Variants in SMC2 observed in about 807,000 individuals in gnomAD.
The protein encoded by SMC2 is structural maintenance of chromosomes 2.
Under a neutral mutation model 142.6 loss-of-function variants are expected in SMC2, and 41 were observed. The observed-to-expected ratio is 0.29, with a 90% CI of 0.22 to 0.37. The LOEUF (loss-of-function observed/expected upper bound fraction) is 0.37, where lower values mean the gene tolerates loss of function less well. Among genes scored for constraint, SMC2 ranks in the 10% least tolerant of loss-of-function variants. The pLI, the probability that SMC2 is intolerant of heterozygous loss-of-function variation, is 1.00. For missense variants in SMC2, 1,265 were observed against 1,373.7 expected, an observed-to-expected ratio of 0.92 and a Z score of 1.25; for synonymous variants, 463 against 457.5, an observed-to-expected ratio of 1.01 and a Z score of -0.15.
chr9:104,135,797 ATATGTC>A (rs1835464798), intron 23 of SMC2: 2 of 517,622 alleles, frequency 3.9e-6, no homozygotes, highest in African/African-American at 3.9e-5. Flanking sequence ...TGCTGAAAGT[ATATGTC>A]AACTTAGAAT....
Position 104,118,290 on chromosome 9 carries a change from A to T in SMC2, c.1911A>T (p.Lys637Asn). The T allele has an allele frequency of 1.2e-6, 2 of 1,613,758 alleles. No homozygotes were observed. The highest frequency in any genetic ancestry group is 1.7e-6 in the Non-Finnish European group (2 of 1,179,760). The part of the protein sequence containing the change: ...TFVCDNMDNA[K>N]KVAFDKRIMT... ...TTTGTGACAATATGGATAATGCCAA[A>T]AAAGTGGCCTTTGATAAGAGGATAA... The change falls in exon 15 of 25, where the codon AAA becomes AAT. Residue 637 changes from lysine (K) to asparagine (N), a missense_variant. Transcript: ENST00000374793.
rs997481603 is a variant in SMC2, at chr9:104,135,742, C to G, written c.3269+1167C>G. 2.9e-5 allele frequency: 13 copies of G among 446,812 alleles called. No individual in the cohort carries two copies. In the Middle Eastern group the frequency reaches 3.4e-3, roughly 117 times the overall value. 27.7% of individuals were successfully genotyped at this position (446,812 alleles called of 1,614,324 possible). ...CAAAAATAAAAATGACTTTAGACTT[C>G]TTGTTAAACACTATGTAAGCCAGAA... is the stretch of plus-strand genomic sequence containing the variant. On this transcript the variant is annotated intron_variant, in intron 23 of 24. Transcript: ENST00000374793.
intron 1 of SMC2, chr9:104,094,713 G>A: frequency 3.0e-6 from 1 of 333,654 alleles, no homozygotes; most frequent in Non-Finnish European, 5.4e-6. Flanking sequence ...GCAAGAAGTT[G>A]GAGAATATGA....
intron 20 of SMC2, among the ~76,000 whole-genome samples, chr9:104,127,810 A>G (rs1834481388): frequency 6.6e-6 from 1 of 152,196 alleles, no homozygotes; most frequent in Non-Finnish European, 1.5e-5. Flanking sequence ...ATAATGATAT[A>G]TATTCTCTAC....
In SMC2 at chr9:104,137,938, A is replaced by G. The variant is rs372414344; in HGVS notation, c.3270-80A>G. ...AGATAAATCTGCTCTATTCACAATA[A>G]TAGGATCACATATTTGCTTCAGTGT... On this transcript the variant is annotated intron_variant, in intron 23 of 24. Coordinates refer to ENST00000374793, the MANE Select transcript of SMC2 (RefSeq NM_006444.3). The G allele has an allele frequency of 4.1e-5, 42 of 1,027,646 alleles. No homozygotes were observed. In the African/African-American group the frequency reaches 6.3e-4, roughly 15 times the overall value. 63.7% of individuals were successfully genotyped at this position (1,027,646 alleles called of 1,614,324 possible).
At chr9:104,089,231 T>C in the SMC2 span, among the ~76,000 whole-genome samples, 1 of 152,128 alleles carries the variant, frequency 6.6e-6, no homozygotes, top group African/African-American at 2.4e-5. Context: ...AGTTAGGATA[T>C]ATTTGTTGAC....
At chr9:104,105,717 G>A (rs558352421) in intron 9 of SMC2, among the ~76,000 whole-genome samples, 1 of 152,240 alleles carries the variant, frequency 6.6e-6, no homozygotes, top group East Asian at 1.9e-4. Context: ...TCTCATGTAA[G>A]CCAGGGGTTG....
At chr9:104,110,070 C>T (rs1382140411) in intron 9 of SMC2, among the ~76,000 whole-genome samples, 4 of 152,234 alleles carry the variant, frequency 2.6e-5, no homozygotes, top group Non-Finnish European at 4.4e-5. Context: ...TAGTAGTTCA[C>T]GTTTCCAGTA....
intron 23 of SMC2, among the ~76,000 whole-genome samples, chr9:104,136,719 C>A (rs1332163155): frequency 6.7e-6 from 1 of 149,176 alleles, no homozygotes; most frequent in Admixed American, 6.7e-5. Flanking sequence ...GATTAACAGT[C>A]TCACTGTGAT....
At chr9:104,125,559 C>T (rs1328235032) in intron 18 of SMC2, among the ~76,000 whole-genome samples, 1 of 150,636 alleles carries the variant, frequency 6.6e-6, no homozygotes, top group African/African-American at 2.5e-5. Flanking sequence ...GCAAAGTTGA[C>T]GGTTGGTAAA....
At position 104,138,196 on chromosome 9, in the gene SMC2, A is replaced by T. The variant is rs201121291; in HGVS notation, c.3417+31A>T. On this transcript the variant is annotated intron_variant, in intron 24 of 24. Coordinates refer to ENST00000374793, the MANE Select transcript of SMC2 (RefSeq NM_006444.3). ...AACCAGGAAAAAAAGTCTCAGTAAT[A>T]GTTTAATTAGACTATTTTTCTAAAA... is the stretch of plus-strand genomic sequence containing the variant. The T allele has an allele frequency of 2.9e-4, 441 of 1,522,420 alleles. 3 individuals are homozygous for T. In the Middle Eastern group the frequency reaches 0.013, roughly 45 times the overall value. 94.3% of individuals were successfully genotyped at this position (1,522,420 alleles called of 1,614,324 possible). A position where few individuals can be genotyped will look rare whatever the true frequency, so the allele number is the denominator to read the frequency against.
At chr9:104,122,353 A>G (rs1205765182) in intron 16 of SMC2, among the ~76,000 whole-genome samples, 1 of 152,188 alleles carries the variant, frequency 6.6e-6, no homozygotes, top group African/African-American at 2.4e-5. Context: ...TTTTAAACAA[A>G]TATTTCTACA....
At chr9:104,106,539 A>G (rs1380676080) in intron 9 of SMC2, among the ~76,000 whole-genome samples, 2 of 152,070 alleles carry the variant, frequency 1.3e-5, no homozygotes, top group East Asian at 3.9e-4. Context: ...GATTACAGGC[A>G]TGTACCACCA....
Position 104,119,989 on chromosome 9 carries a change from A to G in SMC2, c.1997-38A>G, listed in dbSNP as rs748157113. 1.5e-5 allele frequency: 24 copies of G among 1,607,884 alleles called. 1 individual carries two copies. The South Asian group carries it at 2.7e-4, about 18-fold the overall frequency. ...TTTTATTGTGTAGTACATACCTGGT[A>G]ACAATGTGGAAGACCTGTTTCAATT... On this transcript the variant is annotated intron_variant, in intron 15 of 24. Coordinates refer to ENST00000374793, the MANE Select transcript of SMC2 (RefSeq NM_006444.3).
intron 13 of SMC2, among the ~76,000 whole-genome samples, chr9:104,115,951 A>C (rs1394885249): frequency 6.6e-6 from 1 of 151,850 alleles, no homozygotes; most frequent in African/African-American, 2.4e-5. Context: ...AAGTGAGGTC[A>C]TACAGTTTTT....
In SMC2 at chr9:104,126,637, A is replaced by G. The variant is rs192955416; in HGVS notation, c.2452-4A>G. 1.5e-5 allele frequency: 24 copies of G among 1,601,456 alleles called. No individual in the cohort carries two copies. In the East Asian group the frequency reaches 5.4e-4, roughly 36 times the overall value. On this transcript the variant is annotated splice_polypyrimidine_tract_variant and splice_region_variant and intron_variant, in intron 18 of 24. Coordinates refer to ENST00000374793, the MANE Select transcript of SMC2 (RefSeq NM_006444.3). Reference sequence around the variant, plus strand: ...TGAATACCTGAATACTGTATTTTTTATAGGAAGTTGAAGCTATCACTCTGG... The same window carrying G: ...TGAATACCTGAATACTGTATTTTTTGTAGGAAGTTGAAGCTATCACTCTGG...
intron 9 of SMC2, among the ~76,000 whole-genome samples, 159 bp from the exon 10 acceptor site, chr9:104,111,422 A>G (rs1832432212): frequency 6.6e-6 from 1 of 152,210 alleles, no homozygotes; most frequent in African/African-American, 2.4e-5. Flanking sequence ...AGTGAATTTC[A>G]AAATGATAAT....
At chr9:104,124,005 A>G (rs1325098841) in intron 17 of SMC2, among the ~76,000 whole-genome samples, 1 of 152,214 alleles carries the variant, frequency 6.6e-6, no homozygotes, top group African/African-American at 2.4e-5. Flanking sequence ...TTGTGCGGTA[A>G]TGACTTCCAA....
chr9:104,101,176 C>T (rs951598448), intron 7 of SMC2, among the ~76,000 whole-genome samples: 13 of 152,102 alleles, frequency 8.5e-5, no homozygotes, highest in African/African-American at 2.9e-4. Context: ...CTCAAGTGAT[C>T]CACCTGCCTC....
Sources: allele counts gnomAD v4.1 joint callset (sites outside exome capture counted in the v4.1 genomes callset), GRCh38; gene constraint gnomAD v4.1.1; transcripts MANE v1.5; gene names NCBI Gene and HGNC (gene_info 2026-07-23, HGNC 2026-07-21).